Variants in ANKRD29 observed in about 807,000 individuals in gnomAD.
The protein encoded by ANKRD29 is ankyrin repeat domain 29, also known as ankyrin repeat domain-containing protein 29.
In ANKRD29, 32 loss-of-function variants were observed where a neutral mutation model predicts 38.0. That is an observed-to-expected ratio of 0.84 (90% CI 0.64 to 1.13). The LOEUF is 1.13. ANKRD29 is among the 50% of genes most tolerant of loss of function. The pLI, the probability that ANKRD29 is intolerant of heterozygous loss-of-function variation, is 0.00. For synonymous variants in ANKRD29, 135 were observed against 152.4 expected (o/e 0.89, Z 0.84); for missense variants, 357 against 377.9 (o/e 0.94, Z 0.46).
At chr18:23,608,946 C>CA (rs2059606525) in intron 9 of ANKRD29, among the ~76,000 whole-genome samples, 1 of 152,046 alleles carries the variant, frequency 6.6e-6, no homozygotes, top group Non-Finnish European at 1.5e-5. Flanking sequence ...ACTAAAAGTA[C>CA]AAAAAATTAG....
At chr18:23,652,861 G>A (rs1486028841) in intron 1 of ANKRD29, among the ~76,000 whole-genome samples, 1 of 152,198 alleles carries the variant, frequency 6.6e-6, no homozygotes, top group Non-Finnish European at 1.5e-5. Flanking sequence ...ACAATTTACT[G>A]CTTTAACTCA....
intron 6 of ANKRD29, among the ~76,000 whole-genome samples, chr18:23,622,842 C>T (rs2059813325): frequency 6.6e-6 from 1 of 152,232 alleles, no homozygotes; most frequent in Non-Finnish European, 1.5e-5. Flanking sequence ...GCTGGGATTA[C>T]AAGCATGAGC....
In ANKRD29 at chr18:23,602,153, C is replaced by T. The variant is rs61662021; in HGVS notation, c.823-844G>A. On this transcript the variant is annotated intron_variant, in intron 9 of 9. Coordinates refer to ENST00000592179, the MANE Select transcript of ANKRD29 (RefSeq NM_173505.4). The stretch of plus-strand genomic sequence containing the variant: ...CTGGGTTCAAGCAATTCTCCTGCCT[C>T]AGCCTCCCGAGTGGCTGGGACTACA... Among the ~76,000 whole-genome samples the T allele has an allele frequency of 4.9e-3, 746 of 152,216 alleles. 7 individuals carry two copies. Among genetic ancestry groups the T allele is most frequent in the African/African-American group, 0.016 (683 of 41,520 alleles).
At chr18:23,657,668 A>C in intron 1 of ANKRD29, among the ~76,000 whole-genome samples, 1 of 152,170 alleles carries the variant, frequency 6.6e-6, no homozygotes, top group East Asian at 1.9e-4. Context: ...ATTGCATATA[A>C]ATGGAATCAT....
rs766576894 is a variant in ANKRD29 at position 23,626,254 on chromosome 18, T to G, written c.528+3599A>C. ...CTTCTGTTAGGAGATGGCACTTTAT[T>G]AGATGACTTTTCCTCCAGCCTTCAA... is the stretch of plus-strand genomic sequence containing the variant. On this transcript the variant is annotated intron_variant, in intron 6 of 9. Transcript: ENST00000592179. Among the ~76,000 whole-genome samples the G allele has an allele frequency of 5.3e-5, 8 of 152,218 alleles. 1 individual carries two copies. Among genetic ancestry groups the G allele is most frequent in the Non-Finnish European group, 1.2e-4 (8 of 68,036 alleles).
Position 23,662,815 on chromosome 18 carries a change from C to G in ANKRD29, c.-85G>C, listed in dbSNP as rs1462590545. On this transcript the variant is annotated 5_prime_UTR_variant, in exon 1 of 10. Transcript: ENST00000592179. ...CGGCCCTTCACTCTCCCGGGGCTCTCGGCGTTCCGCAGAGGGGCGGCCTCC... is the reference window on the plus strand; with the variant it reads ...CGGCCCTTCACTCTCCCGGGGCTCTGGGCGTTCCGCAGAGGGGCGGCCTCC... The G allele has an allele frequency of 2.5e-6, 3 of 1,215,542 alleles. No homozygotes were observed. Among genetic ancestry groups the G allele is most frequent in the Non-Finnish European group, 3.1e-6 (3 of 970,750 alleles). 75.3% of individuals were successfully genotyped at this position (1,215,542 alleles called of 1,614,324 possible).
chr18:23,623,209 T>G (rs995078576), intron 6 of ANKRD29, among the ~76,000 whole-genome samples: 5 of 152,224 alleles, frequency 3.3e-5, no homozygotes, highest in African/African-American at 1.2e-4. Context: ...AATTTGATTC[T>G]TCCATCGACC....
intron 9 of ANKRD29, among the ~76,000 whole-genome samples, chr18:23,611,189 T>C (rs1042527567): frequency 2.0e-5 from 3 of 152,228 alleles, no homozygotes; most frequent in Non-Finnish European, 4.4e-5. Flanking sequence ...AACAGTGGCA[T>C]GTACTCCTGT....
chr18:23,618,360 G>T (rs1024889273), intron 7 of ANKRD29, among the ~76,000 whole-genome samples: 47 of 152,300 alleles, frequency 3.1e-4, no homozygotes, highest in African/African-American at 9.4e-4. Context: ...AGTGGCTCAC[G>T]CCTGTAATTC....
intron 5 of ANKRD29, among the ~76,000 whole-genome samples, chr18:23,630,514 G>A (rs563575487): frequency 1.1e-4 from 17 of 151,908 alleles, no homozygotes; most frequent in Non-Finnish European, 2.5e-4. Flanking sequence ...CCAGGTACTC[G>A]GGAGGCTGAG....
At chr18:23,629,704 T>A (rs1167452711) in intron 6 of ANKRD29, 149 bp downstream of exon 6, 5 of 658,222 alleles carry the variant, frequency 7.6e-6, no homozygotes, top group Non-Finnish European at 1.3e-5. Context: ...GATACCCTAA[T>A]CAAAGATTAA....
chr18:23,654,889 GA>G (rs2032479587), intron 1 of ANKRD29, among the ~76,000 whole-genome samples: 1 of 152,250 alleles, frequency 6.6e-6, no homozygotes, highest in East Asian at 1.9e-4. Context: ...TAAAAGCTAA[GA>G]GGGGGTAGAA....
intron 9 of ANKRD29, among the ~76,000 whole-genome samples, chr18:23,603,810 A>G (rs2059543168): frequency 6.6e-6 from 1 of 151,988 alleles, no homozygotes; most frequent in Non-Finnish European, 1.5e-5. Context: ...AGGCTAATGC[A>G]ACTCCATCTT....
Position 23,599,557 on chromosome 18 carries a change from C to T in ANKRD29, c.*1669G>A, listed in dbSNP as rs533782425. 17 of 152,248 alleles carry T rather than the reference C, an allele frequency of 1.1e-4. No homozygotes were observed. In the South Asian group the frequency reaches 2.3e-3, roughly 20 times the overall value. The allele number at this position is 152,248 out of a possible 1,614,324, so 9.4% of individuals were successfully genotyped here. ...AAAATGAATATAGCTTTTTGAAATT[C>T]GCACAGGAGAAAATGTATATTTGTA... On this transcript the variant is annotated 3_prime_UTR_variant, in exon 10 of 10. Transcript: ENST00000592179.
chr18:23,604,930 A>G (rs947965096), intron 9 of ANKRD29, among the ~76,000 whole-genome samples: 2 of 151,944 alleles, frequency 1.3e-5, no homozygotes. Context: ...TATTTTATTT[A>G]TTTATTTTGA....
intron 8 of ANKRD29, among the ~76,000 whole-genome samples, chr18:23,616,010 A>G (rs1232438701): frequency 6.6e-6 from 1 of 150,390 alleles, no homozygotes; most frequent in Non-Finnish European, 1.5e-5. Context: ...TACCGTATGT[A>G]TGTATGCATA....
chr18:23,611,621 G>A (rs2059642565), intron 9 of ANKRD29, among the ~76,000 whole-genome samples: 1 of 152,112 alleles, frequency 6.6e-6, no homozygotes. Flanking sequence ...GGAGGTGGAG[G>A]TTGCAGTGAG....
intron 6 of ANKRD29, among the ~76,000 whole-genome samples, chr18:23,625,314 G>A (rs901314106): frequency 7.2e-5 from 11 of 152,150 alleles, no homozygotes; most frequent in Admixed American, 2.0e-4. Flanking sequence ...CCCCAGTCAA[G>A]GGTGATGGGA....
chr18:23,612,504 C>T (rs1451225753), intron 8 of ANKRD29, among the ~76,000 whole-genome samples: 1 of 152,226 alleles, frequency 6.6e-6, no homozygotes, highest in Non-Finnish European at 1.5e-5. Flanking sequence ...AACAACAACG[C>T]CGTGCCCAAC....
Sources: allele counts gnomAD v4.1 joint callset (sites outside exome capture counted in the v4.1 genomes callset), GRCh38; gene constraint gnomAD v4.1.1; transcripts MANE v1.5; gene names NCBI Gene and HGNC (gene_info 2026-07-23, HGNC 2026-07-21).